The following SPTLC3 variants were observed in gnomAD, a reference collection of about 807,000 sequenced individuals.
SPTLC3 encodes the protein serine palmitoyltransferase long chain base subunit 3.
A neutral mutation model predicts 59.3 loss-of-function variants in SPTLC3; 36 were observed. The ratio of observed to expected loss-of-function variants is 0.61; its 90% CI spans 0.47 to 0.80. SPTLC3 has a LOEUF of 0.80. Among genes scored for constraint, SPTLC3 ranks in the 30% least tolerant of loss-of-function variants. The pLI is 0.00. For synonymous variants in SPTLC3, 257 were observed against 240.8 expected (o/e 1.07, Z -0.62); for missense variants, 625 against 685.1 (o/e 0.91, Z 0.98).
intron 6 of SPTLC3, among the ~76,000 whole-genome samples, chr20:13,108,310 T>G (rs1484632606): frequency 6.6e-6 from 1 of 152,222 alleles, no homozygotes; most frequent in Non-Finnish European, 1.5e-5. Flanking sequence ...AGAACTATCT[T>G]GTGGCCTCAT....
At chr20:13,073,762 T>G in intron 3 of SPTLC3, 1 of 579,368 alleles carries the variant, frequency 1.7e-6, no homozygotes, top group Admixed American at 2.1e-5. Context: ...CCAGACACGG[T>G]CCAAAGAGGG....
Position 13,093,520 on chromosome 20 carries a change from T to A in SPTLC3, c.769T>A (p.Ser257Thr). 6.2e-7 allele frequency: 1 copy of A among 1,613,558 alleles called. No homozygotes were observed. Among genetic ancestry groups the A allele is most frequent in the Non-Finnish European group, 8.5e-7 (1 of 1,179,572 alleles). Residue 257 changes from serine (S) to threonine (T), a missense_variant, in exon 6 of 12, where the codon TCG (serine) becomes ACG (threonine). Transcript: ENST00000399002. Reference protein sequence around the residue: ...LILSDELNHTSLVLGARLSGA... With the variant: ...LILSDELNHTTLVLGARLSGA... ...TTTAAGTGATGAGTTAAACCACACA[T>A]CGCTTGTGCTTGGGGCCCGACTCTC...
At chr20:13,118,739 A>T (rs1990735549) in intron 8 of SPTLC3, among the ~76,000 whole-genome samples, 1 of 152,172 alleles carries the variant, frequency 6.6e-6, no homozygotes, top group Admixed American at 6.5e-5. Flanking sequence ...TTTCTTACCT[A>T]TTGTGATGAA....
intron 9 of SPTLC3, among the ~76,000 whole-genome samples, chr20:13,138,660 T>C (rs1167284307): frequency 6.6e-6 from 1 of 152,218 alleles, no homozygotes; most frequent in Non-Finnish European, 1.5e-5. Context: ...GGAGGTTACT[T>C]ATAGAATTAT....
At chr20:13,148,358 T>C (rs2122926638) in intron 9 of SPTLC3, among the ~76,000 whole-genome samples, 1 of 152,262 alleles carries the variant, frequency 6.6e-6, no homozygotes, top group Admixed American at 6.5e-5. Flanking sequence ...TCAGAAGAGA[T>C]AGAACAGGAA....
chr20:13,048,834 A>G, intron 1 of SPTLC3, 111 bp from the exon 2 acceptor site: 2 of 986,174 alleles, frequency 2.0e-6, no homozygotes, highest in Non-Finnish European at 1.4e-6. Context: ...TTTATTTACA[A>G]TCTTAAATAT....
chr20:13,056,856 C>G (rs1357777516), intron 2 of SPTLC3, among the ~76,000 whole-genome samples: 1 of 151,782 alleles, frequency 6.6e-6, no homozygotes, highest in Non-Finnish European at 1.5e-5. Flanking sequence ...ATTCTCCTGC[C>G]TCAGCCTCTC....
intron 1 of SPTLC3, among the ~76,000 whole-genome samples, chr20:13,038,100 G>A (rs537164739): frequency 6.7e-6 from 1 of 148,226 alleles, no homozygotes; most frequent in Non-Finnish European, 1.5e-5. Context: ...CTGCCATATG[G>A]TGTGTAAAAA....
Position 13,074,612 on chromosome 20 carries a change from G to A in SPTLC3, c.607+115G>A, listed in dbSNP as rs1362690225. Reference sequence around the variant, plus strand: ...GTCCCTTAAAAAGGTGTTATAAACTGCAGAAAGAAAAAAAAGAGATATTTT... The same window carrying A: ...GTCCCTTAAAAAGGTGTTATAAACTACAGAAAGAAAAAAAAGAGATATTTT... On this transcript the variant is annotated intron_variant, in intron 4 of 11. Transcript: ENST00000399002. 9 of 1,163,930 alleles carry A rather than the reference G, an allele frequency of 7.7e-6. No homozygotes were observed. In the Admixed American group the frequency reaches 1.1e-4, roughly 14 times the overall value. The allele number at this position is 1,163,930 out of a possible 1,614,324, so 72.1% of individuals were successfully genotyped here.
chr20:13,049,425 T>C, intron 2 of SPTLC3: 1 of 256,314 alleles, frequency 3.9e-6, no homozygotes, highest in Non-Finnish European at 7.7e-6. Flanking sequence ...AACTATAATT[T>C]TGAAGATAAA....
chr20:13,110,680 G>C (rs886240073), intron 7 of SPTLC3, among the ~76,000 whole-genome samples: 3 of 152,112 alleles, frequency 2.0e-5, no homozygotes, highest in African/African-American at 7.2e-5. Flanking sequence ...CAATACAAAA[G>C]ATCTGCCTGT....
chr20:13,037,307 C>A (rs1179442515), intron 1 of SPTLC3, among the ~76,000 whole-genome samples: 1 of 152,126 alleles, frequency 6.6e-6, no homozygotes, highest in Admixed American at 6.6e-5. Context: ...TATGCTTTAC[C>A]CCCTGAGGCT....
rs769210890 is a variant in SPTLC3 at position 13,160,053 on chromosome 20, G to T, written c.1466G>T (p.Gly489Val). The T allele has an allele frequency of 6.2e-7, 1 of 1,613,694 alleles. No homozygotes were observed. The highest frequency in any genetic ancestry group is 2.2e-5 in the East Asian group (1 of 44,862). Residue 489 changes from glycine (G) to valine (V), a missense_variant, in exon 11 of 12, where the codon GGA becomes GTA. Coordinates refer to ENST00000399002, the MANE Select transcript of SPTLC3 (RefSeq NM_018327.4). ...AAAAAAATTGGAGTGGTGGTCGTGG[G>T]ATTTCCAGCCACTCCCCTCGCAGAA... ...LEKKIGVVVV[G>V]FPATPLAEAR...
chr20:13,120,915 A>G (rs1455103586), intron 8 of SPTLC3, among the ~76,000 whole-genome samples: 1 of 152,204 alleles, frequency 6.6e-6, no homozygotes, highest in Non-Finnish European at 1.5e-5. Context: ...ATGCACAGTG[A>G]ACAGCCTAAC....
At chr20:13,123,804 C>G (rs925535911) in intron 8 of SPTLC3, among the ~76,000 whole-genome samples, 2 of 152,196 alleles carry the variant, frequency 1.3e-5, no homozygotes, top group Non-Finnish European at 2.9e-5. Context: ...ACACCTTGTT[C>G]CTGACACAGG....
In SPTLC3 at chr20:13,074,367, C is replaced by G. The variant is rs751680123; in HGVS notation, c.477C>G (p.Ile159Met). ...CCCACAGGTTTACTGGAAGAGTCATCAAAGATGTCATCAACATGGGCTCCT... is the reference window on the plus strand; with the variant it reads ...CCCACAGGTTTACTGGAAGAGTCATGAAAGATGTCATCAACATGGGCTCCT... ...NWTFRFTGRV[I>M]KDVINMGSYN... The change falls in exon 4 of 12, where the codon ATC (isoleucine) becomes ATG (methionine). Residue 159 changes from isoleucine to methionine, a missense_variant. By Grantham distance (10) the Ile-to-Met change is conservative (BLOSUM62 1). Coordinates refer to ENST00000399002, the MANE Select transcript of SPTLC3 (RefSeq NM_018327.4). The G allele has an allele frequency of 1.2e-6, 2 of 1,613,878 alleles. No individual in the cohort carries two copies. The highest frequency in any genetic ancestry group is 3.3e-5 in the Admixed American group (2 of 60,002).
In SPTLC3 at chr20:13,167,086, A is replaced by T. The variant is rs2123026013; in HGVS notation, c.*2219A>T. Reference sequence around the variant, plus strand: ...TGATATACAGGTATAATCCAAGTAGAATGCTTCCACAGTGCATTAGAAGGT... The same window carrying T: ...TGATATACAGGTATAATCCAAGTAGTATGCTTCCACAGTGCATTAGAAGGT... On this transcript the variant is annotated 3_prime_UTR_variant, in exon 12 of 12. Coordinates refer to ENST00000399002, the MANE Select transcript of SPTLC3 (RefSeq NM_018327.4). 1 of 152,326 alleles carries T rather than the reference A, an allele frequency of 6.6e-6. No homozygotes were observed. Among genetic ancestry groups the T allele is most frequent in the South Asian group, 2.1e-4 (1 of 4,820 alleles). 9.4% of individuals were successfully genotyped at this position (152,326 alleles called of 1,614,324 possible). A position where few individuals can be genotyped will look rare whatever the true frequency, so the allele number is the denominator to read the frequency against.
At chr20:13,040,472 C>A (rs188915727) in intron 1 of SPTLC3, among the ~76,000 whole-genome samples, 236 of 152,184 alleles carry the variant, frequency 1.6e-3, no homozygotes, top group African/African-American at 5.5e-3. Flanking sequence ...AACTCCCCTG[C>A]CTCAGCCTCC....
At chr20:13,104,374 C>G (rs183576640) in intron 6 of SPTLC3, among the ~76,000 whole-genome samples, 3 of 152,082 alleles carry the variant, frequency 2.0e-5, no homozygotes, top group Non-Finnish European at 4.4e-5. Context: ...GAATAAGTCT[C>G]ACGAGATCTA....
Sources: allele counts gnomAD v4.1 joint callset (sites outside exome capture counted in the v4.1 genomes callset), GRCh38; gene constraint gnomAD v4.1.1; transcripts MANE v1.5; gene names NCBI Gene and HGNC (gene_info 2026-07-23, HGNC 2026-07-21).